Variants in PPFIA2 observed in about 807,000 individuals in gnomAD.
The protein encoded by PPFIA2 is PPFI scaffold protein A2.
A neutral mutation model predicts 175.5 loss-of-function variants in PPFIA2; 46 were observed. That is an observed-to-expected ratio of 0.26 (90% CI 0.21 to 0.34). PPFIA2 has a LOEUF of 0.34. Ranked by LOEUF, PPFIA2 falls within the 10% of genes least tolerant of loss-of-function variation. PPFIA2 has a pLI of 1.00. For missense variants in PPFIA2, 1,179 were observed against 1,506.1 expected (o/e 0.78, Z 3.60); for synonymous variants, 568 against 511.4 (o/e 1.11, Z -1.49).
At chr12:81,547,909 T>C (rs184527150) in intron 4 of PPFIA2, among the ~76,000 whole-genome samples, 3 of 152,314 alleles carry the variant, frequency 2.0e-5, no homozygotes, top group African/African-American at 7.2e-5. Flanking sequence ...AATACTTACT[T>C]TCCTTTAAAT....
intron 4 of PPFIA2, among the ~76,000 whole-genome samples, chr12:81,567,230 T>C (rs1053316955): frequency 3.3e-5 from 5 of 152,080 alleles, no homozygotes; most frequent in Admixed American, 1.3e-4. Flanking sequence ...TTTGTATTTT[T>C]AGTAGAGATG....
chr12:81,739,246 A>G (rs993556117), intron 3 of PPFIA2, among the ~76,000 whole-genome samples: 13 of 152,006 alleles, frequency 8.6e-5, no homozygotes, highest in African/African-American at 3.1e-4. Flanking sequence ...CAGTTACTAA[A>G]ACTTATGATT....
At chr12:81,319,904 C>T (rs549943579) in intron 22 of PPFIA2, among the ~76,000 whole-genome samples, 1 of 152,062 alleles carries the variant, frequency 6.6e-6, no homozygotes, top group East Asian at 1.9e-4. Flanking sequence ...TACCCAGAGA[C>T]AGTTCCTACT....
chr12:81,685,904 G>A (rs928063292), intron 3 of PPFIA2, among the ~76,000 whole-genome samples: 3 of 151,952 alleles, frequency 2.0e-5, no homozygotes, highest in Admixed American at 6.6e-5. Flanking sequence ...CTCTACTGCC[G>A]CATTAGGTAA....
intron 4 of PPFIA2, among the ~76,000 whole-genome samples, chr12:81,639,235 G>A (rs1188557623): frequency 2.0e-5 from 3 of 152,110 alleles, no homozygotes; most frequent in Non-Finnish European, 2.9e-5. Context: ...GAGTAGTGTA[G>A]GAGTATGCTT....
intron 4 of PPFIA2, among the ~76,000 whole-genome samples, chr12:81,484,454 C>T (rs1328486336): frequency 6.6e-6 from 1 of 151,850 alleles, no homozygotes; most frequent in African/African-American, 2.4e-5. Context: ...GGCAGAAATA[C>T]CCTCAAAGAT....
chr12:81,644,872 T>G (rs966326611), intron 4 of PPFIA2, among the ~76,000 whole-genome samples: 1 of 152,104 alleles, frequency 6.6e-6, no homozygotes, highest in Non-Finnish European at 1.5e-5. Context: ...GATTTTTATT[T>G]TTTAAATGCT....
chr12:81,589,472 G>A (rs537292320), intron 4 of PPFIA2, among the ~76,000 whole-genome samples: 2 of 151,946 alleles, frequency 1.3e-5, no homozygotes, highest in Non-Finnish European at 2.9e-5. Context: ...TATCAGTAAC[G>A]ACTACATGAG....
chr12:81,499,886 G>T (rs2060415552), intron 4 of PPFIA2, among the ~76,000 whole-genome samples: 1 of 152,044 alleles, frequency 6.6e-6, no homozygotes, highest in Non-Finnish European at 1.5e-5. Flanking sequence ...GGTCCCTGAT[G>T]ATTTCCTATG....
At chr12:81,321,055 CAGAG>C (rs376416224) in intron 22 of PPFIA2, among the ~76,000 whole-genome samples, 13 of 148,756 alleles carry the variant, frequency 8.7e-5, no homozygotes, top group Non-Finnish European at 1.0e-4. Context: ...ATAAATAAAA[CAGAG>C]AGAGAGAGAG....
At chr12:81,554,961 AG>A (rs1322605912) in intron 4 of PPFIA2, among the ~76,000 whole-genome samples, 1 of 152,028 alleles carries the variant, frequency 6.6e-6, no homozygotes, top group East Asian at 1.9e-4. Flanking sequence ...CTCTAAAGAT[AG>A]ACATTTTTGG....
At chr12:81,663,951 T>C (rs2069530699) in intron 4 of PPFIA2, among the ~76,000 whole-genome samples, 1 of 152,202 alleles carries the variant, frequency 6.6e-6, no homozygotes, top group South Asian at 2.1e-4. Context: ...GGATTCCCTA[T>C]TTAATAAATG....
chr12:81,570,057 A>G (rs950151147), intron 4 of PPFIA2, among the ~76,000 whole-genome samples: 1 of 152,200 alleles, frequency 6.6e-6, no homozygotes, highest in Admixed American at 6.5e-5. Context: ...AACCCAGCAA[A>G]GCAAGTGTTC....
In PPFIA2 at chr12:81,283,007, T is replaced by C. The variant is rs1291421694; in HGVS notation, c.3018+3A>G. The stretch of plus-strand genomic sequence containing the variant: ...AGGGTCTTAAAGCATATGAATCTCC[T>C]ACCTGGGCCCAGCTTCCTTCCTCAG... On this transcript the variant is annotated splice_donor_region_variant and intron_variant, in intron 26 of 32. Transcript: ENST00000549396. 3 of 1,611,224 alleles carry C rather than the reference T, an allele frequency of 1.9e-6. No homozygotes were observed. Among genetic ancestry groups the C allele is most frequent in the Admixed American group, 1.7e-5 (1 of 59,858 alleles).
chr12:81,301,663 C>T (rs1000912554), intron 22 of PPFIA2, among the ~76,000 whole-genome samples: 2 of 152,146 alleles, frequency 1.3e-5, no homozygotes, highest in African/African-American at 2.4e-5. Context: ...TCTGACTAAA[C>T]TCCCATCTCA....
chr12:81,415,177 TAAAAAAAAAAAAAAAAAA>T (rs1165680008), intron 7 of PPFIA2, among the ~76,000 whole-genome samples: 179 of 15,270 alleles, frequency 0.012, 3 homozygotes, highest in African/African-American at 0.023. Context: ...TTGGTTCAGG[TAAAAAAAAAAAAAAAAAA>T]AAAAAAAAAA....
chr12:81,676,714 C>T (rs967699123), intron 4 of PPFIA2, 77 bp downstream of exon 4: 2 of 998,934 alleles, frequency 2.0e-6, no homozygotes, highest in African/African-American at 1.7e-5. Flanking sequence ...AAATAATATA[C>T]AAGCAATCAA....
At position 81,277,336 on chromosome 12, in the gene PPFIA2, T is replaced by G; in HGVS notation, c.3291A>C (p.Ala1097=). 6.4e-7 allele frequency: 1 copy of G among 1,569,932 alleles called. No homozygotes were observed. Among genetic ancestry groups the G allele is most frequent in the Non-Finnish European group, 8.6e-7 (1 of 1,156,480 alleles). The change falls in exon 28 of 33, where the codon GCA becomes GCC. Residue 1097 remains alanine (A), a synonymous_variant. Transcript: ENST00000549396. ...TATTACCTTTTATTTCATGTTGGCT[T>G]GCTTCCCGTCTTCTTTCTAGTTCTT... ...DRKELERRRE[A]SQHEIKDVLV...
At chr12:81,263,101 G>A (rs752049268) in intron 31 of PPFIA2, 130 bp downstream of exon 31, 5 of 915,520 alleles carry the variant, frequency 5.5e-6, no homozygotes, top group Non-Finnish European at 8.0e-6. Context: ...TTTGTGATGA[G>A]AGCAAAGTAA....
Sources: allele counts gnomAD v4.1 joint callset (sites outside exome capture counted in the v4.1 genomes callset), GRCh38; gene constraint gnomAD v4.1.1; transcripts MANE v1.5; gene names NCBI Gene and HGNC (gene_info 2026-07-23, HGNC 2026-07-21).